APOB: variants seen among roughly 807,000 people sequenced by gnomAD.
APOB encodes apolipoprotein B, also known as apolipoprotein B-100.
A neutral mutation model predicts 314.1 loss-of-function variants in APOB; 153 were observed. The ratio of observed to expected loss-of-function variants is 0.49; its 90% CI spans 0.43 to 0.56. The LOEUF (loss-of-function observed/expected upper bound fraction) is 0.56. Ranked by LOEUF, APOB falls within the 20% of genes least tolerant of loss-of-function variation. The probability of loss-of-function intolerance (pLI) is 0.00; values close to 1 mark genes in which losing one functional copy is unlikely to be tolerated. For missense variants in APOB, 5,430 were observed against 5,350.7 expected (o/e 1.01, Z -0.46); for synonymous variants, 2,087 against 2,036.4 (o/e 1.02, Z -0.67).
intron 10 of APOB, among the ~76,000 whole-genome samples, chr2:21,031,192 G>A (rs1663869436): frequency 6.6e-6 from 1 of 152,182 alleles, no homozygotes; most frequent in African/African-American, 2.4e-5. Flanking sequence ...GCAAAGACAT[G>A]GAATCAACCT....
At position 21,011,940 on chromosome 2, in the gene APOB, G is replaced by T; in HGVS notation, c.4928C>A (p.Ala1643Glu). 6.2e-7 allele frequency: 1 copy of T among 1,613,938 alleles called. No individual in the cohort carries two copies. The highest frequency in any genetic ancestry group is 2.2e-5 in the East Asian group (1 of 44,888). The change falls in exon 26 of 29, where the codon GCG becomes GAG. Residue 1643 changes from alanine to glutamate, a missense_variant. This residue lies in a region of APOB where 2,085 missense variants were observed against 2,079.7 expected (regional missense o/e 1.00). Coordinates refer to ENST00000233242, the MANE Select transcript of APOB (RefSeq NM_000384.3). ...TDKINSGAHK[A>E]TLRIGQDGIS... ...TCCATCTTGGCCAATCCTTAGTGTC[G>T]CCTTGTGAGCACCACTATTAATTTT...
rs2103361054 is a variant in APOB, at chr2:21,013,506, G to A, written c.3870C>T (p.Asn1290=). The A allele has an allele frequency of 6.2e-7, 1 of 1,614,164 alleles. No individual in the cohort carries two copies. Among genetic ancestry groups the A allele is most frequent in the Non-Finnish European group, 8.5e-7 (1 of 1,180,010 alleles). The change falls in exon 25 of 29, where the codon AAC becomes AAT. Residue 1290 remains asparagine, a synonymous_variant. Transcript: ENST00000233242. ...KSDGRVKYTL[N]KNSLKIEIPL... is the part of the protein sequence containing the mutation. ...GAATCTCAATTTTCAAACTGTTCTT[G>A]TTCAAGGTATATTTGACCCGGCCAT...
In APOB at chr2:21,028,525, A is replaced by T. The variant is rs747177666; in HGVS notation, c.1631T>A (p.Leu544His). The change falls in exon 13 of 29, where the codon CTT becomes CAT. Residue 544 changes from leucine (L) to histidine (H), a missense_variant. By Grantham distance (99) the Leu-to-His change is moderately conservative (BLOSUM62 -3). Coordinates refer to ENST00000233242, the MANE Select transcript of APOB (RefSeq NM_000384.3). ...AGCATCATCAAGGAAAGTCTGAAGA[A>T]GAACCTCCTGGTCCTGCAGTCAAAA... ...MEPKDKDQEV[L>H]LQTFLDDASP... is the part of the protein sequence containing the mutation. The T allele has an allele frequency of 6.2e-7, 1 of 1,612,210 alleles. No homozygotes were observed.
rs187401851 is a variant in APOB at position 21,014,365 on chromosome 2, T to A, written c.3842+83A>T. 1.2e-4 allele frequency: 182 copies of A among 1,535,316 alleles called. No homozygotes were observed. The East Asian group carries it at 3.6e-3, about 31-fold the overall frequency. ...GCTTAAATTATTTCCTTTAAAAATT[T>A]AAAAAAATGTCTAAATCATGCTATG... On this transcript the variant is annotated intron_variant, in intron 24 of 28. Coordinates refer to ENST00000233242, the MANE Select transcript of APOB (RefSeq NM_000384.3).
rs1411933591 is a variant in APOB, at chr2:21,010,184, A to G, written c.6684T>C (p.Asp2228=). ...CAATATTTTCAATAAACAAATGTAG[A>G]TCATGGATTGTTTTTACTAAATTTA... is the stretch of plus-strand genomic sequence containing the variant. ...IRVNLVKTIH[D]LHLFIENIDF... The change falls in exon 26 of 29, where the codon GAT becomes GAC. Residue 2228 remains aspartate, a synonymous_variant. Transcript: ENST00000233242. 6.9e-6 allele frequency: 11 copies of G among 1,597,668 alleles called. No homozygotes were observed. The highest frequency in any genetic ancestry group is 1.3e-5 in the African/African-American group (1 of 74,608).
Position 21,005,834 on chromosome 2 carries a change from T to C in APOB, c.11034A>G (p.Pro3678=). The C allele has an allele frequency of 6.2e-7, 1 of 1,614,014 alleles. No homozygotes were observed. Among genetic ancestry groups the C allele is most frequent in the Non-Finnish European group, 8.5e-7 (1 of 1,179,956 alleles). ...HLRFLKNIIL[P]VYDKSLWDFL... is the part of the protein sequence containing the mutation. Reference sequence around the variant, plus strand: ...AATCCCATAAGCTCTTGTCATAGACTGGTAGGATGATATTTTTGAGGAACC... The same window carrying C: ...AATCCCATAAGCTCTTGTCATAGACCGGTAGGATGATATTTTTGAGGAACC... The change falls in exon 26 of 29, where the codon CCA becomes CCG. Residue 3678 remains proline (P), a synonymous_variant. Transcript: ENST00000233242.
intron 28 of APOB, 66 bp from the exon 29 acceptor site, chr2:21,003,400 A>G: frequency 7.4e-7 from 1 of 1,357,992 alleles, no homozygotes; most frequent in Non-Finnish European, 1.0e-6. Context: ...ATAGTACACT[A>G]AAACTTCATT....
rs749146850 is a variant in APOB, at chr2:21,024,891, A to G, written c.2436+42T>C. 1.7e-5 allele frequency: 28 copies of G among 1,610,644 alleles called. No homozygotes were observed. The African/African-American group carries it at 3.2e-4, about 18-fold the overall frequency. On this transcript the variant is annotated intron_variant, in intron 16 of 28. Coordinates refer to ENST00000233242, the MANE Select transcript of APOB (RefSeq NM_000384.3). ...GTCTGGGCGATCTAAAAAAAAACCA[A>G]CGTCTGGTCTCATGGGCCCCCAGTG...
Position 21,034,904 on chromosome 2 carries a change from G to A in APOB, c.819-3C>T. ...GTGCTACCATCCCATACTTATTCCT[G>A]GTAACCAAGGAAGCACACCATGTCA... On this transcript the variant is annotated splice_region_variant and splice_polypyrimidine_tract_variant and intron_variant, in intron 7 of 28. Transcript: ENST00000233242. The A allele has an allele frequency of 6.7e-7, 1 of 1,488,088 alleles. No homozygotes were observed. The highest frequency in any genetic ancestry group is 9.4e-7 in the Non-Finnish European group (1 of 1,064,986). The allele number at this position is 1,488,088 out of a possible 1,614,324, so 92.2% of individuals were successfully genotyped here. A position where few individuals can be genotyped will look rare whatever the true frequency, so the allele number is the denominator to read the frequency against.
rs1275421790 is a variant in APOB at position 21,006,381 on chromosome 2, G to C, written c.10487C>G (p.Thr3496Ser). ...LTSYFSIESS[T>S]KGDVKGSVLS... ...AACCGAACCCTTGACATCTCCTTTG[G>C]TAGATGACTCAATGGAAAAGTAAGA... The change falls in exon 26 of 29, where the codon ACC becomes AGC. Residue 3496 changes from threonine to serine, a missense_variant. Physicochemically the swap from Thr to Ser is moderately conservative, Grantham distance 58. This residue lies in a region of APOB where 3,281 missense variants were observed against 3,171.0 expected (regional missense o/e 1.03). Transcript: ENST00000233242. 9 of 1,613,998 alleles carry C rather than the reference G, an allele frequency of 5.6e-6. No individual in the cohort carries two copies. The highest frequency in any genetic ancestry group is 6.8e-6 in the Non-Finnish European group (8 of 1,179,964).
chr2:21,013,743 C>G (rs778020831), intron 24 of APOB, among the ~76,000 whole-genome samples: 4 of 152,196 alleles, frequency 2.6e-5, no homozygotes, highest in Non-Finnish European at 4.4e-5. Flanking sequence ...AAGGGCCACT[C>G]CTTATCATTA....
rs1186455830 is a variant in APOB at position 21,005,756 on chromosome 2, A to T, written c.11112T>A (p.Val3704=). The T allele has an allele frequency of 1.2e-6, 2 of 1,613,976 alleles. No homozygotes were observed. Among genetic ancestry groups the T allele is most frequent in the South Asian group, 2.2e-5 (2 of 91,082 alleles). The change falls in exon 26 of 29, where the codon GTT becomes GTA. Residue 3704 remains valine (V), a synonymous_variant. Transcript: ENST00000233242. ...TSIGRRQHLR[V]STAFVYTKNP... is the part of the protein sequence containing the mutation. ...TTTTGGTGTACACAAAGGCAGTTGA[A>T]ACACGAAGATGCTGTCTCCTACCAA...
At position 21,013,466 on chromosome 2, in the gene APOB, C is replaced by T; in HGVS notation, c.3910G>A (p.Gly1304Ser). ...LKIEIPLPFG[G>S]KSSRDLKMLE... ...ATCTTTAGATCTCTGGAGGATTTGC[C>T]ACCAAAAGGCAAAGGAATCTCAATT... Residue 1304 changes from glycine to serine, a missense_variant, in exon 25 of 29, where the codon GGC (glycine) becomes AGC (serine). This residue lies in a region of APOB where 2,085 missense variants were observed against 2,079.7 expected (regional missense o/e 1.00). Coordinates refer to ENST00000233242, the MANE Select transcript of APOB (RefSeq NM_000384.3). The T allele has an allele frequency of 6.2e-7, 1 of 1,614,186 alleles. No individual in the cohort carries two copies. Among genetic ancestry groups the T allele is most frequent in the South Asian group, 1.1e-5 (1 of 91,084 alleles).
chr2:21,003,646 A>G (rs929515474), intron 28 of APOB, among the ~76,000 whole-genome samples: 1 of 152,174 alleles, frequency 6.6e-6, no homozygotes, highest in Non-Finnish European at 1.5e-5. Flanking sequence ...GGGGAAGAGA[A>G]AGAAGAGGAG....
At chr2:21,035,836 G>T in intron 6 of APOB, 128 bp from the exon 7 acceptor site, 1 of 983,780 alleles carries the variant, frequency 1.0e-6, no homozygotes, top group South Asian at 1.4e-5. Context: ...GAAGATAACT[G>T]GGTACTTGAC....
chr2:21,037,249 C>T lies in APOB; in HGVS notation c.544G>A (p.Val182Met), dbSNP rs769838164. The T allele has an allele frequency of 2.7e-5, 44 of 1,613,618 alleles. No individual in the cohort carries two copies. Among genetic ancestry groups the T allele is most frequent in the South Asian group, 1.4e-4 (13 of 91,042 alleles). The change falls in exon 6 of 29, where the codon GTG becomes ATG. Residue 182 changes from valine (V) to methionine (M), a missense_variant. Transcript: ENST00000233242. ...AAGTGAGTGGAGCAGTTTCCATACA[C>T]GGTATCCTATGGAGGAAGAAGATGC... ...EAKQVLFLDTVYGNCSTHFTV... is the reference protein window; with the variant it reads ...EAKQVLFLDTMYGNCSTHFTV...
rs780434933 is a variant in APOB, at chr2:21,008,418, G to A, written c.8450C>T (p.Pro2817Leu). 3.1e-6 allele frequency: 5 copies of A among 1,614,042 alleles called. No homozygotes were observed. The highest frequency in any genetic ancestry group is 4.2e-6 in the Non-Finnish European group (5 of 1,179,970). The change falls in exon 26 of 29, where the codon CCT becomes CTT. Residue 2817 changes from proline (P) to leucine (L), a missense_variant. Pro to Leu is a moderately conservative substitution (Grantham distance 98). Transcript: ENST00000233242. ...CTTCAGAGCCAGCGGATTAATCTTAGGGTTTGAGAGTTGTGCATTTGCTTG... is the reference window on the plus strand; with the variant it reads ...CTTCAGAGCCAGCGGATTAATCTTAAGGTTTGAGAGTTGTGCATTTGCTTG... ...DFQANAQLSN[P>L]KINPLALKES...
intron 14 of APOB, among the ~76,000 whole-genome samples, chr2:21,027,564 C>T (rs147341999): frequency 1.3e-5 from 2 of 152,082 alleles, no homozygotes; most frequent in South Asian, 2.1e-4. Context: ...CCACCCGCCT[C>T]GGCCTCCCAA....
At chr2:21,036,357 T>G (rs1664002865) in intron 6 of APOB, among the ~76,000 whole-genome samples, 2 of 152,170 alleles carry the variant, frequency 1.3e-5, no homozygotes, top group South Asian at 4.1e-4. Flanking sequence ...CTTCTGACTG[T>G]GGCACTCATG....
Sources: allele counts gnomAD v4.1 joint callset (sites outside exome capture counted in the v4.1 genomes callset), GRCh38; gene constraint gnomAD v4.1.1; regional missense constraint gnomAD v4.1.1; transcripts MANE v1.5; gene names NCBI Gene and HGNC (gene_info 2026-07-23, HGNC 2026-07-21).